Variants in EIF2D observed in about 807,000 individuals in gnomAD.
EIF2D encodes the protein hepatocellular carcinoma-associated antigen 56.
Under a neutral mutation model 77.4 loss-of-function variants are expected in EIF2D, and 56 were observed. That is an observed-to-expected ratio of 0.72 (90% CI 0.58 to 0.90). The LOEUF (loss-of-function observed/expected upper bound fraction) is 0.90, where lower values mean the gene tolerates loss of function less well. EIF2D is among the 40% of genes least tolerant of loss of function. The pLI is 0.00. For missense variants in EIF2D, 574 were observed against 706.5 expected (o/e 0.81, Z 2.13); for synonymous variants, 230 against 271.0 (o/e 0.85, Z 1.49).
intron 2 of EIF2D, among the ~76,000 whole-genome samples, chr1:206,581,709 G>A (rs1668887703): frequency 6.6e-6 from 1 of 152,178 alleles, no homozygotes; most frequent in Admixed American, 6.5e-5. Context: ...GTGCTGAGGG[G>A]TTGGAGGTGG....
chr1:206,574,184 G>C (rs1553404725), intron 4 of EIF2D, among the ~76,000 whole-genome samples: 2 of 152,204 alleles, frequency 1.3e-5, no homozygotes, highest in African/African-American at 4.8e-5. Flanking sequence ...AAAGAGCAGG[G>C]GACCCCGTGT....
chr1:206,587,181 C>T (rs1029730969), downstream of EIF2D: 5 of 582,652 alleles, frequency 8.6e-6, no homozygotes, highest in Non-Finnish European at 1.5e-5. Flanking sequence ...TGTGCCCCAC[C>T]ACAGATTCTG....
chr1:206,572,062 C>G (rs1668470957), intron 5 of EIF2D, among the ~76,000 whole-genome samples: 1 of 152,214 alleles, frequency 6.6e-6, no homozygotes, highest in South Asian at 2.1e-4. Context: ...GGACAGAATT[C>G]TCATCTGGTG....
intron 12 of EIF2D, among the ~76,000 whole-genome samples, chr1:206,596,327 T>C (rs1669646310): frequency 6.6e-6 from 1 of 152,210 alleles, no homozygotes. Context: ...ATCAACAACT[T>C]TTTCTATAAA....
intron 4 of EIF2D, among the ~76,000 whole-genome samples, 159 bp downstream of exon 4, chr1:206,608,077 A>G (rs1553413041): frequency 6.6e-6 from 1 of 152,238 alleles, no homozygotes; most frequent in East Asian, 1.9e-4. Flanking sequence ...TGGATTCCCC[A>G]TAGGTTTGCT....
chr1:206,570,286 G>T, downstream of EIF2D, among the ~76,000 whole-genome samples: 1 of 151,728 alleles, frequency 6.6e-6, no homozygotes, highest in East Asian at 1.9e-4. Context: ...TAGAAACAGG[G>T]TTTCACCATG....
downstream of EIF2D, chr1:206,587,438 G>A (rs1319342004): frequency 4.2e-6 from 1 of 239,304 alleles, no homozygotes; most frequent in Non-Finnish European, 8.3e-6. Flanking sequence ...CCTTTTGCAG[G>A]TCTGAGCTAA....
At position 206,579,712 on chromosome 1, in the gene EIF2D, T is replaced by C. The variant is rs148008445; in HGVS notation, c.*254+980A>G. On this transcript the variant is annotated intron_variant and NMD_transcript_variant, in intron 4 of 5. Coordinates refer to the EIF2D transcript ENST00000472709. This position sits in a 1 kb window ranked among gnomAD's most constrained non-coding sequence, Gnocchi z 4.2. ...GCACCCCAGACCAATTAAATCAGAATCTCCAGGGATGAAGCCCAGGCAGCT... is the reference window on the plus strand; with the variant it reads ...GCACCCCAGACCAATTAAATCAGAACCTCCAGGGATGAAGCCCAGGCAGCT... Among the ~76,000 whole-genome samples, 223 of 152,284 alleles carry C rather than the reference T, an allele frequency of 1.5e-3. 1 individual carries two copies. Among genetic ancestry groups the C allele is most frequent in the Middle Eastern group, 3.4e-3 (1 of 294 alleles).
chr1:206,608,121 A>C, intron 4 of EIF2D, 115 bp downstream of exon 4: 1 of 999,032 alleles, frequency 1.0e-6, no homozygotes, highest in Non-Finnish European at 1.4e-6. Flanking sequence ...TGCTTCTTCC[A>C]AAACCGATTT....
chr1:206,593,508 A>AGAGTGT lies in EIF2D; in HGVS notation c.1684+110_1684+111insACACTC, dbSNP rs10533643. The AGAGTGT allele has an allele frequency of 4.3e-4, 171 of 401,430 alleles. 1 individual carries two copies. In the East Asian group the frequency reaches 4.4e-3, roughly 10 times the overall value. 24.9% of individuals were successfully genotyped at this position (401,430 alleles called of 1,614,324 possible). ...GAGAGCGAGAGAGAGAGAGAGAGAG[A>AGAGTGT]GTGTGTGTGTGTGTGTGTGTGTGTG... On this transcript the variant is annotated intron_variant, in intron 14 of 14. Coordinates refer to ENST00000271764, the MANE Select transcript of EIF2D (RefSeq NM_006893.3).
chr1:206,612,314 G>T lies in EIF2D; in HGVS notation c.29C>A (p.Ser10Tyr), dbSNP rs1333816506. Residue 10 changes from serine to tyrosine, a missense_variant, in exon 1 of 15, where the codon TCC (serine) becomes TAC (tyrosine). Ser to Tyr is a moderately radical substitution (Grantham distance 144). Coordinates refer to ENST00000271764, the MANE Select transcript of EIF2D (RefSeq NM_006893.3). The stretch of plus-strand genomic sequence containing the variant: ...GTCCGACCCCTTGATGGCCGTGTTG[G>T]ACTTGACCCGAAAGGCCTTGGCAAA... MFAKAFRVK[S>Y]NTAIKGSDRR... 6.2e-7 allele frequency: 1 copy of T among 1,614,282 alleles called. No homozygotes were observed. The highest frequency in any genetic ancestry group is 2.2e-5 in the East Asian group (1 of 44,888).
In EIF2D at chr1:206,597,904, C is replaced by T. The variant is rs141843753; in HGVS notation, c.1293-709G>A. Among the ~76,000 whole-genome samples the T allele has an allele frequency of 1.9e-3, 288 of 152,172 alleles. 6 individuals carry two copies. The East Asian group carries it at 0.045, about 24-fold the overall frequency. On this transcript the variant is annotated intron_variant, in intron 11 of 14. Coordinates refer to ENST00000271764, the MANE Select transcript of EIF2D (RefSeq NM_006893.3). ...AGGTTGCAGTGAGCACAGATTGTAC[C>T]ATTGCACTCCAGCCTGGGCAACAAG...
At chr1:206,593,544 T>TGTGTGTGTGTGTGTGTGTGTGTG (rs1553409410) in intron 14 of EIF2D, 75 bp downstream of exon 14, 22 of 1,168,608 alleles carry the variant, frequency 1.9e-5, no homozygotes, top group African/African-American at 6.0e-5. Flanking sequence ...TGTGTGTGTA[T>TGTGTGTGTGTGTGTGTGTGTGTG]TATGCAAGTT....
At chr1:206,570,453 T>C (rs1341583341), downstream of EIF2D, among the ~76,000 whole-genome samples, 1 of 152,142 alleles carries the variant, frequency 6.6e-6, no homozygotes, top group Non-Finnish European at 1.5e-5. Flanking sequence ...CACATTGTTG[T>C]ACAACCATCA....
downstream of EIF2D, among the ~76,000 whole-genome samples, chr1:206,591,423 C>T (rs1333163534): frequency 2.6e-5 from 4 of 152,088 alleles, no homozygotes; most frequent in Admixed American, 6.5e-5. Context: ...GTTAATTAGG[C>T]AGTAGGATAT....
At chr1:206,583,406 G>C (rs782229900) in intron 2 of EIF2D, 122 of 1,497,770 alleles carry the variant, frequency 8.1e-5, no homozygotes, top group Non-Finnish European at 1.1e-4. Context: ...CCTCAACCTG[G>C]CCCCTGCTCC....
In EIF2D at chr1:206,592,956, G is replaced by C. The variant is rs1238100831; in HGVS notation, c.1684+663C>G. On this transcript the variant is annotated intron_variant, in intron 14 of 14. Coordinates refer to ENST00000271764, the MANE Select transcript of EIF2D (RefSeq NM_006893.3). This position sits in a 1 kb window ranked among gnomAD's most constrained non-coding sequence, Gnocchi z 4.7. ...ATATCTACTAAAAATACAAAAATTAGCTGGCCGTGGTGGCATGCGCCTATA... is the reference window on the plus strand; with the variant it reads ...ATATCTACTAAAAATACAAAAATTACCTGGCCGTGGTGGCATGCGCCTATA... Among the ~76,000 whole-genome samples, 2 of 152,100 alleles carry C rather than the reference G, an allele frequency of 1.3e-5. No homozygotes were observed. The highest frequency in any genetic ancestry group is 2.4e-5 in the African/African-American group (1 of 41,408).
intron 1 of EIF2D, 91 bp downstream of exon 1, chr1:206,612,196 T>C: frequency 6.4e-7 from 1 of 1,569,986 alleles, no homozygotes; most frequent in Non-Finnish European, 8.8e-7. Context: ...CACCCGAGGA[T>C]GTCGGCCAAG....
rs573138386 is a variant in EIF2D, at chr1:206,579,585, G to A, written c.*254+1107C>T. On this transcript the variant is annotated intron_variant and NMD_transcript_variant, in intron 4 of 5. Coordinates refer to the EIF2D transcript ENST00000472709. The surrounding 1 kb of genome is among the most constrained non-coding windows in gnomAD (Gnocchi z 4.2). ...TCAGCAGCTGGATGAAGACCCTTGA[G>A]GTCTGGAATTGTTGTGAGGGGTCTG... Among the ~76,000 whole-genome samples the A allele has an allele frequency of 1.1e-4, 16 of 152,322 alleles. No homozygotes were observed. Among genetic ancestry groups the A allele is most frequent in the African/African-American group, 2.6e-4 (11 of 41,568 alleles).
Sources: gnomAD v4.1 joint callset for allele counts (sites outside exome capture counted in the v4.1 genomes callset) on GRCh38, gnomAD v4.1.1 for gene constraint, Gnocchi (gnomAD v3.1) non-coding constraint, MANE v1.5 for transcripts, NCBI Gene and HGNC (gene_info 2026-07-23, HGNC 2026-07-21) for gene names.